The following CST1 variants were observed in gnomAD, a reference collection of about 807,000 sequenced individuals.
CST1 encodes the protein cystatin-SN.
Under a neutral mutation model 10.7 loss-of-function variants are expected in CST1, and 19 were observed. The ratio of observed to expected loss-of-function variants is 1.78; its 90% CI spans 1.24 to 2.61. The LOEUF is 2.61. Ranked by LOEUF, CST1 falls within the 30% of genes most tolerant of loss-of-function variation. The probability of loss-of-function intolerance (pLI) is 0.00; values close to 1 mark genes in which losing one functional copy is unlikely to be tolerated. For missense variants in CST1, 247 were observed against 178.1 expected, an observed-to-expected ratio of 1.39 and a Z score of -2.20; for synonymous variants, 95 against 72.8, an observed-to-expected ratio of 1.31 and a Z score of -1.55.
chr20:23,750,851 T>A lies in CST1; in HGVS notation c.16A>T (p.Ser6Cys), dbSNP rs143142026. 6.0e-4 allele frequency: 972 copies of A among 1,611,794 alleles called. 1 individual carries two copies. Among genetic ancestry groups the A allele is most frequent in the Middle Eastern group, 3.3e-3 (20 of 6,038 alleles). ...GTGGCCAGCAGGAGCAGCAGGGTAC[T>A]CAGATACTGGGCCATGGTCTCCTCA... Reference protein sequence around the residue: MAQYLSTLLLLLATLA... With the variant: MAQYLCTLLLLLATLA... Residue 6 changes from serine (S) to cysteine (C), a missense_variant, in exon 1 of 3, where the codon AGT becomes TGT. By Grantham distance (112) the Ser-to-Cys change is moderately radical. Coordinates refer to ENST00000304749, the MANE Select transcript of CST1 (RefSeq NM_001898.3).
At chr20:23,749,867 C>T (rs1313754558) in intron 1 of CST1, among the ~76,000 whole-genome samples, 3 of 148,996 alleles carry the variant, frequency 2.0e-5, no homozygotes, top group Non-Finnish European at 4.4e-5. Flanking sequence ...GAGTGTATCT[C>T]GTATGCAGGG....
intron 2 of CST1, among the ~76,000 whole-genome samples, chr20:23,748,690 A>G (rs540715655): frequency 3.9e-4 from 59 of 152,134 alleles, no homozygotes; most frequent in African/African-American, 1.2e-3. Context: ...ATGGACAACT[A>G]CGTAAACTCA....
chr20:23,750,164 G>A (rs1032749122), intron 1 of CST1, among the ~76,000 whole-genome samples: 1 of 152,104 alleles, frequency 6.6e-6, no homozygotes, highest in African/African-American at 2.4e-5. Flanking sequence ...CAGCGCCCTG[G>A]GCTGTAGGGG....
intron 2 of CST1, among the ~76,000 whole-genome samples, chr20:23,748,315 C>A (rs1288446195): frequency 6.6e-6 from 1 of 152,130 alleles, no homozygotes; most frequent in Non-Finnish European, 1.5e-5. Context: ...AGAGCTGGGG[C>A]ATGGGGCAAG....
chr20:23,749,730 G>A (rs1266393219), intron 1 of CST1, among the ~76,000 whole-genome samples: 2 of 151,904 alleles, frequency 1.3e-5, no homozygotes, highest in East Asian at 1.9e-4. Flanking sequence ...GAGATCCCTC[G>A]AGTGTCAGTT....
intron 1 of CST1, 43 bp from the exon 2 acceptor site, chr20:23,749,172 G>T (rs1020872102): frequency 1.9e-6 from 3 of 1,583,128 alleles, no homozygotes; most frequent in Non-Finnish European, 2.6e-6. Context: ...ATCAGTTCAT[G>T]CACTCACAGG....
Position 23,747,713 on chromosome 20 carries a change from A to T in CST1, c.*103T>A. 9.2e-7 allele frequency: 1 copy of T among 1,084,686 alleles called. No homozygotes were observed. The highest frequency in any genetic ancestry group is 1.4e-6 in the Non-Finnish European group (1 of 731,774). The allele number at this position is 1,084,686 out of a possible 1,614,324, so 67.2% of individuals were successfully genotyped here. On this transcript the variant is annotated 3_prime_UTR_variant, in exon 3 of 3. Transcript: ENST00000304749. ...TCTGTCTGTCTCTTGGCGCAGGCAC[A>T]TGGGGAGGCCTCCCGCAGGGTGGGG...
Position 23,750,890 on chromosome 20 carries a change from A to C in CST1, c.-24T>G, listed in dbSNP as rs201376709. ...ATGGTCTCCTCAGAGGCAGAGCACAAAGCTGGAGCTGCAGGAGAGGAGGGT... is the reference window on the plus strand; with the variant it reads ...ATGGTCTCCTCAGAGGCAGAGCACACAGCTGGAGCTGCAGGAGAGGAGGGT... On this transcript the variant is annotated 5_prime_UTR_variant, in exon 1 of 3. Transcript: ENST00000304749. The C allele has an allele frequency of 1.3e-6, 2 of 1,576,888 alleles. No individual in the cohort carries two copies. The highest frequency in any genetic ancestry group is 1.4e-5 in the African/African-American group (1 of 73,834).
intron 1 of CST1, among the ~76,000 whole-genome samples, chr20:23,750,344 A>G (rs2122674840): frequency 6.6e-6 from 1 of 152,280 alleles, no homozygotes; most frequent in South Asian, 2.1e-4. Flanking sequence ...CATCCTGAGC[A>G]GCATCAAGCC....
At chr20:23,750,501 C>T (rs558168341) in intron 1 of CST1, 138 bp downstream of exon 1, 31 of 834,406 alleles carry the variant, frequency 3.7e-5, no homozygotes, top group Middle Eastern at 3.5e-4. Flanking sequence ...AGGGCATCAG[C>T]GGAGAGCCAG....
At chr20:23,750,501 C>G in intron 1 of CST1, 138 bp downstream of exon 1, 1 of 834,408 alleles carries the variant, frequency 1.2e-6, no homozygotes, top group South Asian at 1.7e-5. Context: ...AGGGCATCAG[C>G]GGAGAGCCAG....
chr20:23,747,908 G>A lies in CST1; in HGVS notation c.343-9C>T, dbSNP rs766346039. 40 of 1,612,346 alleles carry A rather than the reference G, an allele frequency of 2.5e-5. No individual in the cohort carries two copies. Among genetic ancestry groups the A allele is most frequent in the Non-Finnish European group, 3.1e-5 (36 of 1,178,546 alleles). Reference sequence around the variant, plus strand: ...AAAGAGCACAACTGTTTCTGTGAAAGGGAAGAGAGAGGGCCAATCAGTGTG... The same window carrying A: ...AAAGAGCACAACTGTTTCTGTGAAAAGGAAGAGAGAGGGCCAATCAGTGTG... On this transcript the variant is annotated splice_polypyrimidine_tract_variant and intron_variant, in intron 2 of 2. Coordinates refer to ENST00000304749, the MANE Select transcript of CST1 (RefSeq NM_001898.3).
rs1244761259 is a variant in CST1 at position 23,750,839 on chromosome 20, G to A, written c.28C>T (p.Leu10Phe). The change falls in exon 1 of 3, where the codon CTC becomes TTC. Residue 10 changes from leucine (L) to phenylalanine (F), a missense_variant. Coordinates refer to ENST00000304749, the MANE Select transcript of CST1 (RefSeq NM_001898.3). The stretch of plus-strand genomic sequence containing the variant: ...GCCACAGCTAGGGTGGCCAGCAGGA[G>A]CAGCAGGGTACTCAGATACTGGGCC... Reference protein sequence around the residue: MAQYLSTLLLLLATLAVALA... With the variant: MAQYLSTLLFLLATLAVALA... The A allele has an allele frequency of 1.2e-6, 2 of 1,613,436 alleles. No individual in the cohort carries two copies. Among genetic ancestry groups the A allele is most frequent in the Non-Finnish European group, 8.5e-7 (1 of 1,179,690 alleles).
At chr20:23,750,339 T>C (rs1982795448) in intron 1 of CST1, among the ~76,000 whole-genome samples, 1 of 152,172 alleles carries the variant, frequency 6.6e-6, no homozygotes, top group Admixed American at 6.5e-5. Context: ...GATCTCATCC[T>C]GAGCAGCATC....
chr20:23,747,785 G>C lies in CST1; in HGVS notation c.*31C>G, dbSNP rs1432687428. The stretch of plus-strand genomic sequence containing the variant: ...GCACTACAGGGGGTGGGAGTGGGTG[G>C]TGGCTGGTGCGAATGGCCTGGCACA... On this transcript the variant is annotated 3_prime_UTR_variant, in exon 3 of 3. Transcript: ENST00000304749. 6.2e-7 allele frequency: 1 copy of C among 1,605,980 alleles called. No homozygotes were observed. Among genetic ancestry groups the C allele is most frequent in the Non-Finnish European group, 8.5e-7 (1 of 1,173,172 alleles).
intron 1 of CST1, among the ~76,000 whole-genome samples, chr20:23,749,822 G>A (rs1453560178): frequency 1.3e-5 from 2 of 150,588 alleles, no homozygotes; most frequent in African/African-American, 4.9e-5. Context: ...ATGCTTGAAA[G>A]GGAGATGCAG....
chr20:23,749,303 G>C (rs143819315), intron 1 of CST1, among the ~76,000 whole-genome samples, 174 bp from the exon 2 acceptor site: 1 of 152,232 alleles, frequency 6.6e-6, no homozygotes, highest in South Asian at 2.1e-4. Context: ...CCTCATACCC[G>C]CTCTTAAACA....
chr20:23,747,616 G>T lies in CST1; in HGVS notation c.*200C>A, dbSNP rs189016076. 1,836 of 604,846 alleles carry T rather than the reference G, an allele frequency of 3.0e-3. 27 individuals are homozygous for T. The highest frequency in any genetic ancestry group is 0.025 in the African/African-American group (1,369 of 54,006). 37.5% of individuals were successfully genotyped at this position (604,846 alleles called of 1,614,324 possible). A position where few individuals can be genotyped will look rare whatever the true frequency, so the allele number is the denominator to read the frequency against. ...GGGGGGGTGTGTACCATGTACCAGG[G>T]CTATTAGAAGCAAGAAGGAAGGAGG... On this transcript the variant is annotated 3_prime_UTR_variant, in exon 3 of 3. Coordinates refer to ENST00000304749, the MANE Select transcript of CST1 (RefSeq NM_001898.3).
intron 2 of CST1, among the ~76,000 whole-genome samples, chr20:23,748,672 G>T (rs575930606): frequency 3.3e-5 from 5 of 152,148 alleles, no homozygotes; most frequent in African/African-American, 9.6e-5. Flanking sequence ...CACCCCATCT[G>T]CACATACATG....
Sources: allele counts gnomAD v4.1 joint callset (sites outside exome capture counted in the v4.1 genomes callset), GRCh38; gene constraint gnomAD v4.1.1; transcripts MANE v1.5; gene names NCBI Gene and HGNC (gene_info 2026-07-23, HGNC 2026-07-21).